The following EPS8L3 variants were observed in gnomAD, a reference collection of about 807,000 sequenced individuals.
EPS8L3 encodes EPS8 signaling adaptor L3.
Under a neutral mutation model 88.5 loss-of-function variants are expected in EPS8L3, and 80 were observed. The ratio of observed to expected loss-of-function variants is 0.90; its 90% CI spans 0.75 to 1.09. The LOEUF (loss-of-function observed/expected upper bound fraction) is 1.09, where lower values mean the gene tolerates loss of function less well. EPS8L3 is among the 50% of genes least tolerant of loss of function. EPS8L3 has a pLI of 0.00. For missense variants in EPS8L3, 721 were observed against 735.2 expected, an observed-to-expected ratio of 0.98 and a Z score of 0.22; for synonymous variants, 286 against 291.0, an observed-to-expected ratio of 0.98 and a Z score of 0.18.
chr1:109,758,483 C>T (rs764287864), intron 7 of EPS8L3, 41 bp downstream of exon 7: 34 of 1,560,540 alleles, frequency 2.2e-5, no homozygotes, highest in South Asian at 1.2e-4. Context: ...GACTTTTCAT[C>T]GAAACCCTCT....
chr1:109,761,339 G>A (rs1405101184), intron 3 of EPS8L3, 156 bp downstream of exon 3: 3 of 652,224 alleles, frequency 4.6e-6, no homozygotes, highest in Non-Finnish European at 8.0e-6. Flanking sequence ...GCTCTGGCAG[G>A]CTTGTTGGAT....
chr1:109,753,192 G>T lies in EPS8L3; in HGVS notation c.1125C>A (p.Asp375Glu), dbSNP rs1418635060. 3.1e-6 allele frequency: 5 copies of T among 1,609,270 alleles called. No homozygotes were observed. In the South Asian group the frequency reaches 4.4e-5, roughly 14 times the overall value. Residue 375 changes from aspartate (D) to glutamate (E), a missense_variant, in exon 13 of 19, where the codon GAC becomes GAA. Coordinates refer to ENST00000361965, the MANE Select transcript of EPS8L3 (RefSeq NM_133181.4). ...AGGGCAGGGGCTCATCGCCTGTCCAGTCGGCCCTGAAGAGGGAAACAAAGC... is the reference window on the plus strand; with the variant it reads ...AGGGCAGGGGCTCATCGCCTGTCCATTCGGCCCTGAAGAGGGAAACAAAGC... Reference protein sequence around the residue: ...LGPAWTTSRADWTGDEPLPYQ... With the variant: ...LGPAWTTSRAEWTGDEPLPYQ...
intron 14 of EPS8L3, 161 bp from the exon 15 acceptor site, chr1:109,752,354 G>T: frequency 1.5e-6 from 1 of 678,820 alleles, no homozygotes; most frequent in Non-Finnish European, 2.5e-6. Context: ...GGGGCTTTCT[G>T]CAGGCAGGAG....
intron 1 of EPS8L3, among the ~76,000 whole-genome samples, 196 bp downstream of exon 1, chr1:109,763,626 G>A (rs769675436): frequency 6.6e-6 from 1 of 152,172 alleles, no homozygotes; most frequent in Non-Finnish European, 1.5e-5. Context: ...CCCTTCCGGA[G>A]CCTGGACCTC....
intron 15 of EPS8L3, 59 bp from the exon 16 acceptor site, chr1:109,751,841 A>G (rs1359277945): frequency 1.2e-6 from 2 of 1,604,914 alleles, no homozygotes; most frequent in East Asian, 2.2e-5. Flanking sequence ...TTCCCTCCCC[A>G]CACAAGGCTT....
chr1:109,751,502 G>C, intron 16 of EPS8L3, 151 bp from the exon 17 acceptor site: 1 of 1,371,568 alleles, frequency 7.3e-7, no homozygotes, highest in Non-Finnish European at 1.0e-6. Flanking sequence ...CTTGTTCTCT[G>C]CTCTGGCCCC....
rs759778574 is a variant in EPS8L3, at chr1:109,751,573, C to G, written c.1563+81G>C. 4.3e-5 allele frequency: 69 copies of G among 1,594,680 alleles called. 1 individual carries two copies. In the Admixed American group the frequency reaches 1.2e-3, roughly 27 times the overall value. ...GGTCCGAATCAAACCAAGACTATCT[C>G]CTCTGCTTGCCACTGAATCCTCCCC... On this transcript the variant is annotated intron_variant, in intron 16 of 18. Coordinates refer to ENST00000361965, the MANE Select transcript of EPS8L3 (RefSeq NM_133181.4).
chr1:109,759,934 T>A lies in EPS8L3; in HGVS notation c.97-98A>T. ...AAAAGCAGAAGAGGAAGAAGACGTG[T>A]CCTCGGCCCCCTTGAGGTAGGAGGT... On this transcript the variant is annotated intron_variant, in intron 3 of 18. Transcript: ENST00000361965. This position sits in a 1 kb window ranked among gnomAD's most constrained non-coding sequence, Gnocchi z 4.2. 1 of 1,332,374 alleles carries A rather than the reference T, an allele frequency of 7.5e-7. No individual in the cohort carries two copies. The highest frequency in any genetic ancestry group is 1.0e-6 in the Non-Finnish European group (1 of 970,516). 82.5% of individuals were successfully genotyped at this position (1,332,374 alleles called of 1,614,324 possible).
At chr1:109,753,279 C>T (rs1019480475) in intron 12 of EPS8L3, 81 bp from the exon 13 acceptor site, 19 of 1,140,408 alleles carry the variant, frequency 1.7e-5, no homozygotes, top group Middle Eastern at 2.1e-4. Context: ...AGGGAGGGGA[C>T]GACAGGGCCT....
chr1:109,757,331 G>C, intron 11 of EPS8L3, 150 bp downstream of exon 11: 6 of 1,119,164 alleles, frequency 5.4e-6, no homozygotes, highest in East Asian at 2.6e-5. Context: ...GTCTCCCTTA[G>C]AGCCTTGGCG....
intron 14 of EPS8L3, 148 bp from the exon 15 acceptor site, chr1:109,752,341 G>C: frequency 1.3e-6 from 1 of 755,742 alleles, no homozygotes; most frequent in East Asian, 2.6e-5. Context: ...GTCAGTGTTA[G>C]GTGGGGCTTT....
chr1:109,757,694 G>A (rs1650424645), intron 10 of EPS8L3, 108 bp downstream of exon 10: 1 of 1,411,934 alleles, frequency 7.1e-7, no homozygotes, highest in Non-Finnish European at 1.0e-6. Flanking sequence ...TCTAGGGGGA[G>A]TAGATGAAGA....
chr1:109,759,568 A>G lies in EPS8L3; in HGVS notation c.255+110T>C. 6.7e-7 allele frequency: 1 copy of G among 1,492,132 alleles called. No individual in the cohort carries two copies. The highest frequency in any genetic ancestry group is 1.3e-5 in the South Asian group (1 of 77,082). 92.4% of individuals were successfully genotyped at this position (1,492,132 alleles called of 1,614,324 possible). ...CTTCCTAGGCTTGGGTGTGTGTTGT[A>G]TGTGGGGAGAGTGGCTGCCCTTTGG... On this transcript the variant is annotated intron_variant, in intron 4 of 18. Transcript: ENST00000361965. The surrounding 1 kb of genome is among the most constrained non-coding windows in gnomAD (Gnocchi z 4.2).
At position 109,757,978 on chromosome 1, in the gene EPS8L3, C is replaced by CCTGCTGGTTTT. The variant is rs562835845; in HGVS notation, c.797_798insAAAACCAGCAG (p.Lys268ProfsTer42). ...CCTTGTTTTTTTTCCCAAATTTCTT[C>CCTGCTGGTTTT]TTCCTGCTGGTCTTTGCCTGGGCCT... On this transcript the variant is annotated frameshift_variant, in exon 9 of 19. Coordinates refer to ENST00000361965, the MANE Select transcript of EPS8L3 (RefSeq NM_133181.4). LOFTEE classifies it high-confidence loss of function. 2.8e-5 allele frequency: 45 copies of CCTGCTGGTTTT among 1,614,104 alleles called. No homozygotes were observed. The highest frequency in any genetic ancestry group is 3.4e-5 in the Non-Finnish European group (40 of 1,180,036).
rs146078688 is a variant in EPS8L3 at position 109,762,331 on chromosome 1, TC to T, written c.-24-559del. Among the ~76,000 whole-genome samples, 1,004 of 152,162 alleles carry T rather than the reference TC, an allele frequency of 6.6e-3. 11 individuals carry two copies. Among genetic ancestry groups the T allele is most frequent in the African/African-American group, 0.023 (956 of 41,516 alleles). On this transcript the variant is annotated intron_variant, in intron 1 of 18. Coordinates refer to ENST00000361965, the MANE Select transcript of EPS8L3 (RefSeq NM_133181.4). ...TGCAGGACTCGCCAGTGAGCTGACC[TC>T]CCCCAAGTGTCTCCCTAGGCCTCCT...
rs1649697724 is a variant in EPS8L3, at chr1:109,750,660, C to T, written c.1770G>A (p.Gly590=). ...SRLEAVRRML[G]ISP ...TGTCAGGACCCCAGGGTGTCCTCAC[C>T]CCCAGCATCCTTCTGACAGCCTCCA... Residue 590 remains glycine, a splice_region_variant and synonymous_variant, in exon 18 of 19, where the codon GGG becomes GGA. Coordinates refer to ENST00000361965, the MANE Select transcript of EPS8L3 (RefSeq NM_133181.4). 2 of 1,614,074 alleles carry T rather than the reference C, an allele frequency of 1.2e-6. No individual in the cohort carries two copies. Among genetic ancestry groups the T allele is most frequent in the East Asian group, 2.2e-5 (1 of 44,894 alleles).
At chr1:109,751,253 A>T (rs749644525) in intron 17 of EPS8L3, 25 bp downstream of exon 17, 4 of 1,610,240 alleles carry the variant, frequency 2.5e-6, no homozygotes, top group Non-Finnish European at 3.4e-6. Context: ...TTCTCCCTCC[A>T]TATCCTGTAG....
intron 15 of EPS8L3, 90 bp from the exon 16 acceptor site, chr1:109,751,872 A>C (rs1211879428): frequency 6.3e-7 from 1 of 1,579,724 alleles, no homozygotes; most frequent in African/African-American, 1.4e-5. Flanking sequence ...GCTCTTTCCT[A>C]CCCTCCTTCT....
intron 3 of EPS8L3, among the ~76,000 whole-genome samples, chr1:109,760,458 C>T (rs530998776): frequency 1.1e-4 from 17 of 152,274 alleles, no homozygotes; most frequent in Admixed American, 9.2e-4. Context: ...TCCACCCAGG[C>T]TTCTTGTGGT....
Sources: gnomAD v4.1 joint callset for allele counts (sites outside exome capture counted in the v4.1 genomes callset) on GRCh38, gnomAD v4.1.1 for gene constraint, Gnocchi (gnomAD v3.1) non-coding constraint, MANE v1.5 for transcripts, NCBI Gene and HGNC (gene_info 2026-07-23, HGNC 2026-07-21) for gene names.